The following RANBP2 variants were observed in gnomAD, a reference collection of about 807,000 sequenced individuals.
RANBP2 encodes E3 SUMO-protein ligase RanBP2.
RANBP2 carries 57 observed loss-of-function variants against 303.6 expected under a neutral mutation model. The observed-to-expected ratio is 0.19, with a 90% CI of 0.15 to 0.23. The LOEUF (loss-of-function observed/expected upper bound fraction) is 0.23, where lower values mean the gene tolerates loss of function less well. Among genes scored for constraint, RANBP2 ranks in the 10% least tolerant of loss-of-function variants. The probability of loss-of-function intolerance (pLI) is 1.00; values close to 1 mark genes in which losing one functional copy is unlikely to be tolerated. For missense variants in RANBP2, 3,138 were observed against 3,780.8 expected (o/e 0.83, Z 4.46); for synonymous variants, 1,167 against 1,301.5 (o/e 0.90, Z 2.23).
chr2:108,812,730 AC>A, the RANBP2 span: 1 of 1,607,744 alleles, frequency 6.2e-7, no homozygotes, highest in South Asian at 1.1e-5. Flanking sequence ...GTTCTTCTCT[AC>A]AGACAGAAGT....
chr2:109,693,724 C>T, the RANBP2 span, among the ~76,000 whole-genome samples: 723 of 152,302 alleles, frequency 4.7e-3, 2 homozygotes, highest in Non-Finnish European at 7.5e-3. Flanking sequence ...ATGTCTTTAT[C>T]GGCAGCACGA....
the RANBP2 span, among the ~76,000 whole-genome samples, chr2:109,221,311 G>A: frequency 6.6e-6 from 1 of 151,134 alleles, no homozygotes; most frequent in Admixed American, 6.7e-5. Flanking sequence ...GGCTGGGCCA[G>A]GTGACTCACG....
At chr2:109,688,921 T>C in the RANBP2 span, among the ~76,000 whole-genome samples, 1 of 151,474 alleles carries the variant, frequency 6.6e-6, no homozygotes, top group Non-Finnish European at 1.5e-5. Context: ...CCTTCCTTCC[T>C]TTTTTAAGAC....
Position 108,782,539 on chromosome 2 carries a change from A to G in RANBP2, c.9046A>G (p.Lys3016Glu), listed in dbSNP as rs1178123914. 4.3e-6 allele frequency: 7 copies of G among 1,614,204 alleles called. No homozygotes were observed. The highest frequency in any genetic ancestry group is 2.5e-6 in the Non-Finnish European group (3 of 1,180,034). Residue 3016 changes from lysine to glutamate, a missense_variant, in exon 28 of 29, where the codon AAA becomes GAA. Physicochemically the swap from Lys to Glu is moderately conservative, Grantham distance 56. This residue lies in a region of RANBP2 where 204 missense variants were observed against 228.4 expected (regional missense o/e 0.89). Coordinates refer to ENST00000283195, the MANE Select transcript of RANBP2 (RefSeq NM_006267.5). ...TASDYADGEA[K>E]VEQLAVRFKT... ...TCCCTCCCTGCCAGATGGAGAAGCA[A>G]AAGTAGAACAGCTTGCAGTGAGATT...
downstream of RANBP2, chr2:108,788,013 CTTTTCT>C: frequency 1.4e-6 from 2 of 1,452,020 alleles, no homozygotes; most frequent in East Asian, 2.4e-5. Context: ...CAAATTAAAT[CTTTTCT>C]TTTTTTTTTT....
At chr2:108,945,805 C>A in the RANBP2 span, among the ~76,000 whole-genome samples, 1 of 152,156 alleles carries the variant, frequency 6.6e-6, no homozygotes, top group East Asian at 1.9e-4. Flanking sequence ...ATAAGCCAGT[C>A]ATGAAAGGAC....
chr2:108,792,785 C>T, the RANBP2 span, among the ~76,000 whole-genome samples: 2 of 152,222 alleles, frequency 1.3e-5, no homozygotes, highest in Non-Finnish European at 2.9e-5. Flanking sequence ...TGAGCGTCGG[C>T]CAGGCGCGGT....
the RANBP2 span, among the ~76,000 whole-genome samples, chr2:109,001,893 C>CTTTTTT: frequency 6.1e-5 from 9 of 147,554 alleles, no homozygotes; most frequent in Non-Finnish European, 1.2e-4. Context: ...CCACGCCTGG[C>CTTTTTT]TTTTTTTTTT....
the RANBP2 span, among the ~76,000 whole-genome samples, chr2:109,664,514 G>A: frequency 2.6e-5 from 4 of 152,252 alleles, no homozygotes; most frequent in South Asian, 2.1e-4. Flanking sequence ...TGAGGTGGGA[G>A]AATCACTTGA....
chr2:109,646,680 A>AT, the RANBP2 span, among the ~76,000 whole-genome samples: 1 of 81,736 alleles, frequency 1.2e-5, no homozygotes, highest in East Asian at 3.2e-4. Flanking sequence ...TTTTTTTTGT[A>AT]TTTTTTGTAG....
At chr2:109,469,948 A>C in the RANBP2 span, among the ~76,000 whole-genome samples, 1 of 152,198 alleles carries the variant, frequency 6.6e-6, no homozygotes, top group South Asian at 2.1e-4. Flanking sequence ...TTTCCAGGAC[A>C]TGCGAGCTAT....
chr2:108,978,261 T>C, the RANBP2 span, among the ~76,000 whole-genome samples: 1 of 152,150 alleles, frequency 6.6e-6, no homozygotes, highest in African/African-American at 2.4e-5. Flanking sequence ...AGGCAGGGCG[T>C]GGAAGTGTTT....
the RANBP2 span, among the ~76,000 whole-genome samples, chr2:108,800,497 T>G: frequency 6.6e-6 from 1 of 151,096 alleles, no homozygotes; most frequent in African/African-American, 2.4e-5. Flanking sequence ...ATTCCTGACC[T>G]CAAGCAATCC....
chr2:108,895,324 G>A, the RANBP2 span: 1 of 152,630 alleles, frequency 6.6e-6, no homozygotes, highest in South Asian at 2.1e-4. Flanking sequence ...CGCTTTATAA[G>A]TCAGAGACTT....
At chr2:108,923,404 A>G in the RANBP2 span, 3 of 1,614,246 alleles carry the variant, frequency 1.9e-6, no homozygotes, top group Non-Finnish European at 2.5e-6. Flanking sequence ...AGGCAGGAGT[A>G]GCAGACCATG....
At chr2:109,691,076 A>G in the RANBP2 span, among the ~76,000 whole-genome samples, 1 of 152,318 alleles carries the variant, frequency 6.6e-6, no homozygotes, top group South Asian at 2.1e-4. Context: ...ATGACAGAGC[A>G]AAGACCTTGG....
At chr2:109,545,266 C>G in the RANBP2 span, 42 of 1,390,282 alleles carry the variant, frequency 3.0e-5, no homozygotes, top group East Asian at 1.1e-3. Flanking sequence ...AATAGTTAAA[C>G]CGACAGGGAT....
chr2:109,229,711 C>T, the RANBP2 span, among the ~76,000 whole-genome samples: 3 of 152,068 alleles, frequency 2.0e-5, no homozygotes, highest in African/African-American at 4.8e-5. Context: ...CTAGGTACCT[C>T]GTATAACTGG....
chr2:108,869,550 G>A, the RANBP2 span, among the ~76,000 whole-genome samples: 2 of 152,152 alleles, frequency 1.3e-5, no homozygotes, highest in African/African-American at 4.8e-5. Flanking sequence ...GAAAACTGCA[G>A]GGAGACTACA....
Sources: allele counts gnomAD v4.1 joint callset (sites outside exome capture counted in the v4.1 genomes callset), GRCh38; gene constraint gnomAD v4.1.1; regional missense constraint gnomAD v4.1.1; transcripts MANE v1.5; gene names NCBI Gene and HGNC (gene_info 2026-07-23, HGNC 2026-07-21).